NEDD4L: variants seen among roughly 807,000 people sequenced by gnomAD.
NEDD4L encodes NEDD4 like E3 ubiquitin protein ligase.
Under a neutral mutation model 148.9 loss-of-function variants are expected in NEDD4L, and 54 were observed. The ratio of observed to expected loss-of-function variants is 0.36; its 90% CI spans 0.29 to 0.45. The LOEUF (loss-of-function observed/expected upper bound fraction) is 0.45. Ranked by LOEUF, NEDD4L falls within the 20% of genes least tolerant of loss-of-function variation. The pLI is 1.00. For missense variants in NEDD4L, 856 were observed against 1,233.8 expected (o/e 0.69, Z 4.59); for synonymous variants, 433 against 440.7 (o/e 0.98, Z 0.22).
chr18:58,336,378 C>A (rs1050110887), intron 13 of NEDD4L, among the ~76,000 whole-genome samples: 2 of 151,962 alleles, frequency 1.3e-5, no homozygotes, highest in African/African-American at 4.8e-5. Flanking sequence ...GAGATCGAGA[C>A]CATCCTGGCT....
At chr18:58,196,211 AG>A (rs1253661898) in intron 2 of NEDD4L, among the ~76,000 whole-genome samples, 3 of 152,228 alleles carry the variant, frequency 2.0e-5, no homozygotes, top group Admixed American at 2.0e-4. Flanking sequence ...GATTCTTTGT[AG>A]GCTTCACTGT....
intron 1 of NEDD4L, among the ~76,000 whole-genome samples, chr18:58,142,335 A>G (rs1599064630): frequency 1.5e-5 from 1 of 67,686 alleles, no homozygotes; most frequent in Non-Finnish European, 3.5e-5. Context: ...GGCGTGAACC[A>G]CACCGCGCCC....
chr18:58,341,317 CA>C (rs1415894168), intron 14 of NEDD4L, 148 bp downstream of exon 14: 25 of 888,828 alleles, frequency 2.8e-5, no homozygotes, highest in African/African-American at 6.8e-5. Context: ...ACTTTAAATA[CA>C]ATAATAGCCT....
intron 9 of NEDD4L, among the ~76,000 whole-genome samples, chr18:58,326,330 A>G (rs2144492946): frequency 6.6e-6 from 1 of 152,328 alleles, no homozygotes; most frequent in Non-Finnish European, 1.5e-5. Flanking sequence ...CACGGGCATT[A>G]GCTCAGGACA....
intron 22 of NEDD4L, among the ~76,000 whole-genome samples, chr18:58,368,611 A>G (rs1393165705): frequency 6.6e-6 from 1 of 152,248 alleles, no homozygotes; most frequent in Non-Finnish European, 1.5e-5. Flanking sequence ...ACTTATAAGA[A>G]AGATATTTCC....
At position 58,303,080 on chromosome 18, in the gene NEDD4L, C is replaced by T. The variant is rs572521617; in HGVS notation, c.298-12902C>T. On this transcript the variant is annotated intron_variant, in intron 5 of 30. Coordinates refer to ENST00000400345, the MANE Select transcript of NEDD4L (RefSeq NM_001144967.3). ...GGGCAGCCCTGCTCCTGGGGCCTTA[C>T]TTGACTCATCCTGGTGGGTTTTCCA... 2.0e-5 allele frequency among the ~76,000 whole-genome samples: 3 copies of T among 152,338 alleles called. No individual in the cohort carries two copies. In the East Asian group the frequency reaches 5.8e-4, roughly 29 times the overall value.
At chr18:58,379,578 T>G (rs1158932917) in intron 24 of NEDD4L, among the ~76,000 whole-genome samples, 1 of 152,134 alleles carries the variant, frequency 6.6e-6, no homozygotes, top group African/African-American at 2.4e-5. Flanking sequence ...TAGAGTCAGA[T>G]AGCCGCCTCT....
chr18:58,245,287 G>A, intron 2 of NEDD4L, 140 bp from the exon 3 acceptor site: 1 of 503,638 alleles, frequency 2.0e-6, no homozygotes, highest in Non-Finnish European at 3.6e-6. Flanking sequence ...TAGTAGATAT[G>A]TTAAAAAGGT....
Position 58,387,384 on chromosome 18 carries a change from ATT to A in NEDD4L, c.2488-44_2488-43del, listed in dbSNP as rs5825274. The A allele has an allele frequency of 5.0e-3, 6,140 of 1,238,274 alleles. 9 individuals carry two copies. Among genetic ancestry groups the A allele is most frequent in the African/African-American group, 0.019 (1,214 of 62,974 alleles). The allele number at this position is 1,238,274 out of a possible 1,614,324, so 76.7% of individuals were successfully genotyped here. A position where few individuals can be genotyped will look rare whatever the true frequency, so the allele number is the denominator to read the frequency against. On this transcript the variant is annotated intron_variant, in intron 26 of 30. Coordinates refer to ENST00000400345, the MANE Select transcript of NEDD4L (RefSeq NM_001144967.3). ...CAGAAAAGTTTGTTTTTCCTGTGAA[ATT>A]TTTTTTTTTTGAAGGCAATAGGTGT...
intron 20 of NEDD4L, 148 bp downstream of exon 20, chr18:58,364,481 T>A (rs996881421): frequency 1.7e-6 from 1 of 588,852 alleles, no homozygotes; most frequent in African/African-American, 1.9e-5. Context: ...TCCTCCTGGT[T>A]CTAAAATCTG....
chr18:58,077,261 G>C (rs1434519246), intron 1 of NEDD4L, among the ~76,000 whole-genome samples: 1 of 137,828 alleles, frequency 7.3e-6, no homozygotes, highest in Non-Finnish European at 1.5e-5. Context: ...TGACCTCCTG[G>C]ACTCAAGTGA....
At chr18:58,232,187 G>T (rs2045323542) in intron 2 of NEDD4L, among the ~76,000 whole-genome samples, 1 of 152,136 alleles carries the variant, frequency 6.6e-6, no homozygotes, top group South Asian at 2.1e-4. Flanking sequence ...GGGTGTGTAG[G>T]AACAACACTC....
intron 2 of NEDD4L, among the ~76,000 whole-genome samples, chr18:58,192,726 T>C (rs1237431197): frequency 6.6e-6 from 1 of 151,998 alleles, no homozygotes; most frequent in Non-Finnish European, 1.5e-5. Context: ...TCAGCAACCA[T>C]CTATTTATGT....
intron 2 of NEDD4L, among the ~76,000 whole-genome samples, chr18:58,198,879 A>G (rs2041056377): frequency 6.6e-6 from 1 of 152,176 alleles, no homozygotes; most frequent in African/African-American, 2.4e-5. Flanking sequence ...ATCTCCGCTC[A>G]CAGCAACCTC....
At chr18:58,340,963 G>A (rs2042341325) in intron 13 of NEDD4L, 75 bp from the exon 14 acceptor site, 4 of 1,421,316 alleles carry the variant, frequency 2.8e-6, no homozygotes, top group African/African-American at 2.9e-5. Flanking sequence ...AATTATCTGG[G>A]TGTACCTTAC....
At chr18:58,300,642 T>C (rs965167805) in intron 5 of NEDD4L, among the ~76,000 whole-genome samples, 1 of 152,210 alleles carries the variant, frequency 6.6e-6, no homozygotes, top group Non-Finnish European at 1.5e-5. Flanking sequence ...AGAAACTCTG[T>C]ATAGGCCATG....
Position 58,134,358 on chromosome 18 carries a change from CTTTTTTTTTTTTTT to C in NEDD4L, c.49-31411_49-31398del, listed in dbSNP as rs926932340. The stretch of plus-strand genomic sequence containing the variant: ...CAAATCAGTTAAAGCAATTCCATTT[CTTTTTTTTTTTTTT>C]TTTTTTTTTTTTTTTTTTGAGACGG... On this transcript the variant is annotated intron_variant, in intron 1 of 30. Transcript: ENST00000400345. 1.3e-3 allele frequency among the ~76,000 whole-genome samples: 16 copies of C among 11,944 alleles called. 6 individuals are homozygous for C. Among genetic ancestry groups the C allele is most frequent in the Admixed American group, 0.01 (9 of 870 alleles). The allele number at this position is 11,944 out of a possible 152,430, so 7.8% of individuals were successfully genotyped here. A position where few individuals can be genotyped will look rare whatever the true frequency, so the allele number is the denominator to read the frequency against.
intron 1 of NEDD4L, among the ~76,000 whole-genome samples, chr18:58,115,722 C>A (rs524009): frequency 0.64 from 96,950 of 152,012 alleles, 31,476 homozygotes; most frequent in African/African-American, 0.75. Flanking sequence ...GTGGCAATGC[C>A]GTGGGGACAC....
intron 1 of NEDD4L, among the ~76,000 whole-genome samples, chr18:58,152,954 G>A (rs1370307509): frequency 6.6e-6 from 1 of 152,164 alleles, no homozygotes; most frequent in South Asian, 2.1e-4. Context: ...TCAACATTCC[G>A]TGACGGTTGA....
Sources: allele counts gnomAD v4.1 joint callset (sites outside exome capture counted in the v4.1 genomes callset), GRCh38; gene constraint gnomAD v4.1.1; transcripts MANE v1.5; gene names NCBI Gene and HGNC (gene_info 2026-07-23, HGNC 2026-07-21).